CCND3: variants seen among roughly 807,000 people sequenced by gnomAD.
CCND3 encodes the protein cyclin D3.
A neutral mutation model predicts 28.7 loss-of-function variants in CCND3; 9 were observed. The observed-to-expected ratio is 0.31, with a 90% CI of 0.19 to 0.55. The LOEUF is 0.55. CCND3 is among the 20% of genes least tolerant of loss of function. CCND3 has a pLI of 0.93. For synonymous variants in CCND3, 164 were observed against 163.9 expected (o/e 1.00, Z 0.00); for missense variants, 315 against 385.8 (o/e 0.82, Z 1.54).
chr6:42,035,260 T>A (rs1363520763), intron 1 of CCND3, among the ~76,000 whole-genome samples: 1 of 152,234 alleles, frequency 6.6e-6, no homozygotes, highest in African/African-American at 2.4e-5. Flanking sequence ...ACTCTTCAGA[T>A]CTTCCTACCA....
intron 1 of CCND3, among the ~76,000 whole-genome samples, chr6:41,964,491 T>TGG (rs1052110515): frequency 3.0e-5 from 4 of 133,490 alleles, no homozygotes; most frequent in South Asian, 2.4e-4. Flanking sequence ...TGTGAATGTG[T>TGG]GTGTGTGAGT....
intron 1 of CCND3, among the ~76,000 whole-genome samples, chr6:41,991,172 C>T (rs1762637123): frequency 6.6e-6 from 1 of 152,040 alleles, no homozygotes; most frequent in Non-Finnish European, 1.5e-5. Context: ...GATTCTTCTG[C>T]CTCAGCCTCC....
intron 1 of CCND3, among the ~76,000 whole-genome samples, chr6:42,038,533 C>A: frequency 6.7e-6 from 1 of 148,496 alleles, no homozygotes; most frequent in African/African-American, 2.5e-5. Context: ...GAGTGAGACC[C>A]CATCTCAACT....
At chr6:42,000,775 C>G (rs1025103904) in intron 1 of CCND3, among the ~76,000 whole-genome samples, 4 of 148,148 alleles carry the variant, frequency 2.7e-5, no homozygotes, top group African/African-American at 9.9e-5. Flanking sequence ...CCATGTTGGT[C>G]AGGCTGGTCT....
At chr6:41,999,334 C>T (rs1000173579) in intron 1 of CCND3, among the ~76,000 whole-genome samples, 2 of 151,842 alleles carry the variant, frequency 1.3e-5, no homozygotes, top group African/African-American at 2.4e-5. Context: ...CTGCAACCTC[C>T]GCCTCCTGGG....
rs1775719333 is a variant in CCND3, at chr6:41,934,975, T to TA, written c.*964dup. 4.3e-6 allele frequency: 1 copy of TA among 231,068 alleles called. No individual in the cohort carries two copies. The highest frequency in any genetic ancestry group is 2.2e-5 in the African/African-American group (1 of 45,204). The allele number at this position is 231,068 out of a possible 1,614,324, so 14.3% of individuals were successfully genotyped here. A position where few individuals can be genotyped will look rare whatever the true frequency, so the allele number is the denominator to read the frequency against. ...AGTTTTATTTCACAATCATCTTTAT[T>TA]ACAGTAGGATGATGGTCCTGGGCCA... is the stretch of plus-strand genomic sequence containing the variant. On this transcript the variant is annotated 3_prime_UTR_variant, in exon 5 of 5. Coordinates refer to ENST00000372991, the MANE Select transcript of CCND3 (RefSeq NM_001760.5).
chr6:42,012,170 G>T (rs1013690259), intron 1 of CCND3, among the ~76,000 whole-genome samples: 2 of 152,178 alleles, frequency 1.3e-5, no homozygotes, highest in Admixed American at 1.3e-4. Flanking sequence ...CATGATCTGG[G>T]ACTTTGTTTT....
intron 1 of CCND3, among the ~76,000 whole-genome samples, chr6:42,020,691 A>G (rs1214878142): frequency 6.6e-6 from 1 of 152,200 alleles, no homozygotes; most frequent in South Asian, 2.1e-4. Flanking sequence ...GAATTCCCAC[A>G]GCACAGAGAG....
intron 1 of CCND3, among the ~76,000 whole-genome samples, chr6:42,031,766 C>T (rs1027627637): frequency 6.0e-5 from 9 of 150,580 alleles, no homozygotes; most frequent in Non-Finnish European, 7.4e-5. Context: ...TTTCTCTTAA[C>T]GTTACCATAT....
intron 1 of CCND3, among the ~76,000 whole-genome samples, chr6:42,004,068 A>ATG (rs35124169): frequency 0.27 from 38,397 of 143,608 alleles, 5,174 homozygotes; most frequent in African/African-American, 0.33. Context: ...ATATATATGT[A>ATG]TGTGTGTGTG....
At chr6:42,019,314 C>A (rs1763627852) in intron 1 of CCND3, among the ~76,000 whole-genome samples, 1 of 151,812 alleles carries the variant, frequency 6.6e-6, no homozygotes, top group African/African-American at 2.4e-5. Context: ...AAGGTGAAAC[C>A]CTGTCTCTAC....
intron 1 of CCND3, among the ~76,000 whole-genome samples, chr6:41,981,281 C>T (rs1289566914): frequency 1.3e-5 from 2 of 152,116 alleles, no homozygotes; most frequent in African/African-American, 4.8e-5. Context: ...TCTCTGCTCA[C>T]TGCAACCTCC....
chr6:42,020,057 T>C (rs1004295803), intron 1 of CCND3, among the ~76,000 whole-genome samples: 3 of 152,076 alleles, frequency 2.0e-5, no homozygotes, highest in Non-Finnish European at 4.4e-5. Context: ...GGCGGGCGGA[T>C]CACAAGGTCA....
At chr6:42,024,811 C>A (rs1383704126) in intron 1 of CCND3, among the ~76,000 whole-genome samples, 1 of 152,138 alleles carries the variant, frequency 6.6e-6, no homozygotes, top group Non-Finnish European at 1.5e-5. Flanking sequence ...GTAATCCCAG[C>A]ACTTTGGGAG....
rs914466825 is a variant in CCND3 at position 41,939,192 on chromosome 6, C to G, written c.414+1178G>C. Among the ~76,000 whole-genome samples, 1 of 152,184 alleles carries G rather than the reference C, an allele frequency of 6.6e-6. No individual in the cohort carries two copies. The highest frequency in any genetic ancestry group is 1.5e-5 in the Non-Finnish European group (1 of 68,028). On this transcript the variant is annotated intron_variant, in intron 2 of 4. Coordinates refer to ENST00000372991, the MANE Select transcript of CCND3 (RefSeq NM_001760.5). The surrounding 1 kb of genome is among the most constrained non-coding windows in gnomAD (Gnocchi z 4.2). ...GCCTCCTACTCCCATCTCTGAGCTACTTGGCAGGAAGAGGAATCCTGTTCC... is the reference window on the plus strand; with the variant it reads ...GCCTCCTACTCCCATCTCTGAGCTAGTTGGCAGGAAGAGGAATCCTGTTCC...
chr6:42,003,460 G>A (rs1226275778), intron 1 of CCND3, among the ~76,000 whole-genome samples: 1 of 143,364 alleles, frequency 7.0e-6, no homozygotes, highest in African/African-American at 2.6e-5. Flanking sequence ...CAGAGGTGGA[G>A]GCTGCAGTGA....
At chr6:41,956,731 A>G (rs1362088587) in intron 1 of CCND3, among the ~76,000 whole-genome samples, 3 of 152,098 alleles carry the variant, frequency 2.0e-5, no homozygotes, top group Non-Finnish European at 2.9e-5. Flanking sequence ...TAATTGTTGT[A>G]ATATAAAACA....
intron 1 of CCND3, among the ~76,000 whole-genome samples, chr6:41,948,368 A>C (rs1402293204): frequency 1.3e-5 from 2 of 149,330 alleles, no homozygotes; most frequent in African/African-American, 2.5e-5. Flanking sequence ...ACAGGGTCTC[A>C]CTCTGTCACC....
At chr6:42,030,157 C>T (rs1343434519) in intron 1 of CCND3, 3 of 152,310 alleles carry the variant, frequency 2.0e-5, no homozygotes, top group African/African-American at 7.2e-5. Context: ...CCTAGGTGCC[C>T]ATGTCCATCT....
Sources: gnomAD v4.1 joint callset for allele counts (sites outside exome capture counted in the v4.1 genomes callset) on GRCh38, gnomAD v4.1.1 for gene constraint, Gnocchi (gnomAD v3.1) non-coding constraint, MANE v1.5 for transcripts, NCBI Gene and HGNC (gene_info 2026-07-23, HGNC 2026-07-21) for gene names.